The following PTK2 variants were observed in gnomAD, a reference collection of about 807,000 sequenced individuals.
The protein encoded by PTK2 is protein tyrosine kinase 2, also known as focal adhesion kinase 1.
In PTK2, 45 loss-of-function variants were observed where a neutral mutation model predicts 150.1. The observed-to-expected ratio is 0.30, with a 90% confidence interval of 0.24 to 0.38. The LOEUF (loss-of-function observed/expected upper bound fraction) is 0.38. PTK2 is among the 10% of genes least tolerant of loss of function. The pLI is 1.00. For synonymous variants in PTK2, 432 were observed against 449.2 expected (o/e 0.96, Z 0.48); for missense variants, 919 against 1,307.3 (o/e 0.70, Z 4.58).
In PTK2 at chr8:140,744,133, C is replaced by A. The variant is rs1387529757; in HGVS notation, c.1634+519G>T. 8.6e-5 allele frequency among the ~76,000 whole-genome samples: 13 copies of A among 151,106 alleles called. No individual in the cohort carries two copies. In the East Asian group the frequency reaches 2.5e-3, roughly 29 times the overall value. On this transcript the variant is annotated intron_variant, in intron 19 of 31. Coordinates refer to ENST00000522684, the Ensembl canonical transcript of PTK2. ...GTATTAATGCCGGATAACAAAAACA[C>A]CAATTCTAATATGATACTTGGCAAA...
rs138253028 is a variant in PTK2, at chr8:140,814,465, A to C, written c.867+3812T>G. Among the ~76,000 whole-genome samples the C allele has an allele frequency of 4.3e-3, 657 of 152,342 alleles. 4 individuals are homozygous for C. Among genetic ancestry groups the C allele is most frequent in the African/African-American group, 0.015 (626 of 41,584 alleles). On this transcript the variant is annotated intron_variant, in intron 10 of 31. Coordinates refer to ENST00000522684, the Ensembl canonical transcript of PTK2. ...ATCAAAAAGCTAATCCACCATGATC[A>C]AGTAGGCTTTATTCCTGGGATGCAA...
chr8:140,879,686 A>T, intron 3 of PTK2, 49 bp from the exon 4 acceptor site: 1 of 1,263,276 alleles, frequency 7.9e-7, no homozygotes, highest in Non-Finnish European at 1.0e-6. Context: ...GAAAAAAAAA[A>T]AAAAAAAAAA....
chr8:140,686,651 T>A, exon 27 of PTK2: 2 of 1,613,950 alleles, frequency 1.2e-6, no homozygotes, highest in Non-Finnish European at 1.7e-6. Context: ...AAGACTTCCA[T>A]CCTCCCTGTC....
intron 11 of PTK2, among the ~76,000 whole-genome samples, chr8:140,802,108 C>T (rs1053632740): frequency 4.0e-5 from 6 of 150,324 alleles, no homozygotes; most frequent in Non-Finnish European, 7.4e-5. Flanking sequence ...AAATGTAAAA[C>T]AGCCTCAGGC....
chr8:140,795,969 T>C (rs1209837345), intron 12 of PTK2, among the ~76,000 whole-genome samples: 5 of 152,218 alleles, frequency 3.3e-5, no homozygotes, highest in African/African-American at 4.8e-5. Context: ...TCAGTTTGCA[T>C]TGAGCGGCAT....
At chr8:140,737,097 G>A (rs189604361) in intron 21 of PTK2, among the ~76,000 whole-genome samples, 17 of 152,232 alleles carry the variant, frequency 1.1e-4, no homozygotes, top group Middle Eastern at 3.4e-3. Flanking sequence ...AATTTCTTGA[G>A]AACTTAATGT....
intron 9 of PTK2, among the ~76,000 whole-genome samples, chr8:140,818,607 A>G (rs1032730335): frequency 1.3e-5 from 2 of 152,232 alleles, no homozygotes; most frequent in African/African-American, 4.8e-5. Flanking sequence ...CTAAATAGGT[A>G]AACTAGCCCT....
At chr8:140,775,695 A>T (rs1395896380) in intron 14 of PTK2, among the ~76,000 whole-genome samples, 1 of 152,002 alleles carries the variant, frequency 6.6e-6, no homozygotes, top group African/African-American at 2.4e-5. Context: ...AAATATTTAA[A>T]TACTAGGCCC....
chr8:140,746,513 G>T (rs1326704627), intron 18 of PTK2: 1 of 348,140 alleles, frequency 2.9e-6, no homozygotes, highest in Non-Finnish European at 5.1e-6. Flanking sequence ...GGCCATCTGC[G>T]GCTACCAATC....
chr8:140,860,628 A>G (rs1253902096), intron 5 of PTK2, among the ~76,000 whole-genome samples: 1 of 152,158 alleles, frequency 6.6e-6, no homozygotes, highest in Non-Finnish European at 1.5e-5. Flanking sequence ...GTGTACCACC[A>G]TGCTCTGCTA....
chr8:140,820,952 C>G (rs1171199063), intron 8 of PTK2: 4 of 152,200 alleles, frequency 2.6e-5, no homozygotes, highest in African/African-American at 9.7e-5. Context: ...GCATGGCATA[C>G]TTTGGTGGGG....
chr8:140,705,617 A>C (rs910437509), intron 24 of PTK2, among the ~76,000 whole-genome samples: 1 of 152,186 alleles, frequency 6.6e-6, no homozygotes, highest in African/African-American at 2.4e-5. Flanking sequence ...AAAGTTAATA[A>C]CTTTTTCTCA....
chr8:140,974,662 A>G (rs1050885116), intron 1 of PTK2, among the ~76,000 whole-genome samples: 2 of 152,222 alleles, frequency 1.3e-5, no homozygotes, highest in African/African-American at 2.4e-5. Context: ...ACAAACCTTT[A>G]GAGTACACCA....
chr8:140,941,794 C>T (rs999488090), intron 1 of PTK2, among the ~76,000 whole-genome samples: 1 of 152,146 alleles, frequency 6.6e-6, no homozygotes, highest in Admixed American at 6.5e-5. Context: ...CAGCCTCGAC[C>T]CCTCAGGCTC....
chr8:140,693,057 CA>C (rs1199249695), intron 26 of PTK2, among the ~76,000 whole-genome samples: 1 of 151,280 alleles, frequency 6.6e-6, no homozygotes, highest in African/African-American at 2.4e-5. Flanking sequence ...ATTGTGCATG[CA>C]GTAATAAAAA....
intron 3 of PTK2, among the ~76,000 whole-genome samples, chr8:140,882,575 CAT>C (rs1474616117): frequency 6.6e-6 from 1 of 152,158 alleles, no homozygotes; most frequent in African/African-American, 2.4e-5. Flanking sequence ...ATTAAATTCT[CAT>C]AGTAGACATT....
chr8:140,732,678 G>A, intron 22 of PTK2: 1 of 443,594 alleles, frequency 2.3e-6, no homozygotes. Flanking sequence ...CTTTGCCCCA[G>A]TGACTAGCAC....
intron 1 of PTK2, among the ~76,000 whole-genome samples, chr8:140,978,808 A>ACT (rs1395109517): frequency 8.4e-6 from 1 of 119,604 alleles, no homozygotes; most frequent in Non-Finnish European, 2.1e-5. Context: ...AGACACATGC[A>ACT]CACATGTTTA....
At chr8:140,676,413 A>AATTAATTAATAT (rs1554666251) in intron 27 of PTK2, among the ~76,000 whole-genome samples, 1 of 99,414 alleles carries the variant, frequency 1.0e-5, no homozygotes, top group African/African-American at 5.3e-5. Flanking sequence ...TTAATTAATT[A>AATTAATTAATAT]ATATATATAT....
Sources: gnomAD v4.1 joint callset for allele counts (sites outside exome capture counted in the v4.1 genomes callset) on GRCh38, gnomAD v4.1.1 for gene constraint, MANE v1.5 for transcripts, NCBI Gene and HGNC (gene_info 2026-07-23, HGNC 2026-07-21) for gene names.